ADAD1: variants seen among roughly 807,000 people sequenced by gnomAD.
The protein encoded by ADAD1 is adenosine deaminase domain-containing protein 1.
In ADAD1, 46 loss-of-function variants were observed where a neutral mutation model predicts 66.8. That is an observed-to-expected ratio of 0.69 (90% CI 0.54 to 0.88). The LOEUF (loss-of-function observed/expected upper bound fraction) is 0.88, where lower values mean the gene tolerates loss of function less well. ADAD1 is among the 40% of genes least tolerant of loss of function. The probability of loss-of-function intolerance (pLI) is 0.00; values close to 1 mark genes in which losing one functional copy is unlikely to be tolerated. For missense variants in ADAD1, 617 were observed against 681.8 expected, an observed-to-expected ratio of 0.91 and a Z score of 1.06; for synonymous variants, 248 against 229.4, an observed-to-expected ratio of 1.08 and a Z score of -0.73.
At chr4:122,427,049 A>C (rs1221357788) in intron 12 of ADAD1, among the ~76,000 whole-genome samples, 1 of 152,252 alleles carries the variant, frequency 6.6e-6, no homozygotes, top group Non-Finnish European at 1.5e-5. Flanking sequence ...ATGAAGAAAT[A>C]TTCCTAAATT....
intron 12 of ADAD1, among the ~76,000 whole-genome samples, chr4:122,428,797 A>G (rs549591077): frequency 3.3e-5 from 5 of 152,248 alleles, no homozygotes; most frequent in Non-Finnish European, 7.4e-5. Flanking sequence ...TTTAGAGGTG[A>G]GGGATTTGTT....
intron 10 of ADAD1, among the ~76,000 whole-genome samples, chr4:122,413,062 A>G (rs1380659536): frequency 1.3e-5 from 2 of 152,100 alleles, no homozygotes; most frequent in Non-Finnish European, 2.9e-5. Flanking sequence ...CCAGCTGGAT[A>G]AGGAAATTCC....
chr4:122,389,691 A>G lies in ADAD1; in HGVS notation c.530-3898A>G, dbSNP rs189297513. ...TAGGATTGCAACCTCTGCTTTTTTC[A>G]CTTTCCATTTACTTGGTAGATTTTC... On this transcript the variant is annotated intron_variant, in intron 5 of 12. Coordinates refer to ENST00000296513, the MANE Select transcript of ADAD1 (RefSeq NM_139243.4). 4.6e-5 allele frequency among the ~76,000 whole-genome samples: 7 copies of G among 151,408 alleles called. No homozygotes were observed. In the East Asian group the frequency reaches 9.7e-4, roughly 21 times the overall value.
At chr4:122,394,054 G>A (rs1795582117) in intron 6 of ADAD1, among the ~76,000 whole-genome samples, 1 of 152,028 alleles carries the variant, frequency 6.6e-6, no homozygotes, top group Non-Finnish European at 1.5e-5. Context: ...GCCCGAGAAA[G>A]CTGCAACTTC....
chr4:122,429,626 T>G lies in ADAD1; in HGVS notation c.1618T>G (p.Cys540Gly), dbSNP rs1580824238. The change falls in exon 13 of 13, where the codon TGT becomes GGT. Residue 540 changes from cysteine (C) to glycine (G), a missense_variant and splice_region_variant. By Grantham distance (159) the Cys-to-Gly change is radical. Coordinates refer to ENST00000296513, the MANE Select transcript of ADAD1 (RefSeq NM_139243.4). The stretch of plus-strand genomic sequence containing the variant: ...AATTCATTTTTTCTTTCTTCTCTAG[T>G]GTATGTCTGCCTCCTATCAAGAAGC... Reference protein sequence around the residue: ...LEAGTYHAAKCMSASYQEAKC... With the variant: ...LEAGTYHAAKGMSASYQEAKC... 2 of 1,594,952 alleles carry G rather than the reference T, an allele frequency of 1.3e-6. No homozygotes were observed. Among genetic ancestry groups the G allele is most frequent in the East Asian group, 4.5e-5 (2 of 44,688 alleles).
At chr4:122,391,699 TTTTG>T (rs1477148162) in intron 5 of ADAD1, among the ~76,000 whole-genome samples, 3 of 152,158 alleles carry the variant, frequency 2.0e-5, no homozygotes, top group Non-Finnish European at 2.9e-5. Flanking sequence ...GACTTGTCTT[TTTTG>T]TTTGTTTGTT....
At chr4:122,427,523 CTTTTTTT>C (rs59864757) in intron 12 of ADAD1, among the ~76,000 whole-genome samples, 5 of 71,984 alleles carry the variant, frequency 6.9e-5, no homozygotes, top group African/African-American at 2.3e-4. Context: ...ATCCAAAGGC[CTTTTTTT>C]TTTTTTTTTT....
intron 7 of ADAD1, among the ~76,000 whole-genome samples, chr4:122,404,923 A>G (rs1321257208): frequency 1.3e-5 from 2 of 152,112 alleles, no homozygotes; most frequent in African/African-American, 2.4e-5. Flanking sequence ...ACATCTTGCT[A>G]AATTCCTTCT....
chr4:122,383,948 C>T lies in ADAD1; in HGVS notation c.511C>T (p.Arg171Ter), dbSNP rs2150529830. The T allele has an allele frequency of 1.9e-6, 3 of 1,606,836 alleles. No individual in the cohort carries two copies. The highest frequency in any genetic ancestry group is 1.1e-5 in the South Asian group (1 of 89,242). ...ELLQLDEPEP[R>*]ILETSGPPPF... is the part of the protein sequence containing the mutation. The stretch of plus-strand genomic sequence containing the variant: ...TCTACAACTGGATGAACCTGAACCA[C>T]GAATTTTAGAAACATCAGGTAAATA... Residue 171 changes from arginine (R) to a stop codon, truncating the protein, a stop_gained, in exon 5 of 13, where the codon CGA becomes TGA. Coordinates refer to ENST00000296513, the MANE Select transcript of ADAD1 (RefSeq NM_139243.4). LOFTEE classifies it high-confidence loss of function.
At chr4:122,413,341 G>A (rs952914715) in intron 10 of ADAD1, among the ~76,000 whole-genome samples, 15 of 152,018 alleles carry the variant, frequency 9.9e-5, no homozygotes, top group South Asian at 6.2e-4. Context: ...TATGGTGGTG[G>A]AATTTTTAAA....
intron 7 of ADAD1, among the ~76,000 whole-genome samples, chr4:122,400,628 C>T (rs910943727): frequency 2.6e-5 from 4 of 151,804 alleles, no homozygotes; most frequent in Non-Finnish European, 4.4e-5. Flanking sequence ...TGAATCTGTT[C>T]GGTTGCGAAC....
intron 6 of ADAD1, among the ~76,000 whole-genome samples, chr4:122,395,044 G>T (rs954165814): frequency 1.3e-5 from 2 of 152,008 alleles, no homozygotes; most frequent in Admixed American, 6.6e-5. Flanking sequence ...ATATATATGT[G>T]TGTGTGTATT....
intron 5 of ADAD1, among the ~76,000 whole-genome samples, chr4:122,387,843 T>A (rs1437172973): frequency 1.3e-5 from 2 of 151,780 alleles, no homozygotes; most frequent in East Asian, 3.9e-4. Flanking sequence ...CACTGCAAGC[T>A]CTGCCTCCTG....
chr4:122,394,459 G>C (rs1448863505), intron 6 of ADAD1, among the ~76,000 whole-genome samples: 3 of 152,164 alleles, frequency 2.0e-5, no homozygotes, highest in Non-Finnish European at 2.9e-5. Context: ...AGGCCTGCAG[G>C]TTAGGATTTG....
chr4:122,428,686 T>C (rs1370610006), intron 12 of ADAD1, among the ~76,000 whole-genome samples: 2 of 152,190 alleles, frequency 1.3e-5, no homozygotes, highest in Non-Finnish European at 2.9e-5. Flanking sequence ...ATATGAATTT[T>C]TTAGAAAAAG....
chr4:122,400,141 T>G (rs1795903831), intron 7 of ADAD1, among the ~76,000 whole-genome samples: 1 of 152,166 alleles, frequency 6.6e-6, no homozygotes, highest in Non-Finnish European at 1.5e-5. Context: ...TGGCTGTGTG[T>G]TAGTCATAGA....
chr4:122,412,832 C>T (rs1796527650), intron 10 of ADAD1, 23 bp downstream of exon 10: 1 of 1,588,588 alleles, frequency 6.3e-7, no homozygotes, highest in Non-Finnish European at 8.6e-7. Context: ...TCAGAACCTC[C>T]TGGGCCTCTC....
intron 11 of ADAD1, among the ~76,000 whole-genome samples, chr4:122,419,629 G>A (rs1041214143): frequency 6.6e-6 from 1 of 152,152 alleles, no homozygotes; most frequent in Non-Finnish European, 1.5e-5. Flanking sequence ...AGATCAGGGA[G>A]CAGAATTTAA....
At chr4:122,383,667 G>A in intron 4 of ADAD1, 132 bp from the exon 5 acceptor site, 1 of 991,428 alleles carries the variant, frequency 1.0e-6, no homozygotes, top group South Asian at 1.9e-5. Context: ...TCCTACAAAA[G>A]GACTTGTAAA....
Sources: gnomAD v4.1 joint callset for allele counts (sites outside exome capture counted in the v4.1 genomes callset) on GRCh38, gnomAD v4.1.1 for gene constraint, MANE v1.5 for transcripts, NCBI Gene and HGNC (gene_info 2026-07-23, HGNC 2026-07-21) for gene names.